MED13L: variants seen among roughly 807,000 people sequenced by gnomAD.
The protein encoded by MED13L is mediator of RNA polymerase II transcription subunit 13-like.
MED13L carries 7 observed loss-of-function variants against 220.9 expected under a neutral mutation model. The ratio of observed to expected loss-of-function variants is 0.03; its 90% CI spans 0.02 to 0.06. The LOEUF (loss-of-function observed/expected upper bound fraction) is 0.06, where lower values mean the gene tolerates loss of function less well. MED13L is among the 10% of genes least tolerant of loss of function. The pLI, the probability that MED13L is intolerant of heterozygous loss-of-function variation, is 1.00. For synonymous variants in MED13L, 1,011 were observed against 1,015.2 expected (o/e 1.00, Z 0.08); for missense variants, 1,965 against 2,760.5 (o/e 0.71, Z 6.46).
chr12:116,153,253 G>A (rs989703348), intron 2 of MED13L, among the ~76,000 whole-genome samples: 1 of 152,218 alleles, frequency 6.6e-6, no homozygotes, highest in Non-Finnish European at 1.5e-5. Flanking sequence ...TTACTGAGGG[G>A]AGGGGAGTGT....
At chr12:116,217,745 G>A (rs1192650876) in intron 2 of MED13L, among the ~76,000 whole-genome samples, 1 of 152,130 alleles carries the variant, frequency 6.6e-6, no homozygotes, top group Non-Finnish European at 1.5e-5. Context: ...GTTCAACAGT[G>A]AATGCCCAAT....
chr12:116,065,061 ATTTT>A (rs972496196), intron 4 of MED13L, among the ~76,000 whole-genome samples: 1 of 152,208 alleles, frequency 6.6e-6, no homozygotes, highest in African/African-American at 2.4e-5. Context: ...AATGGTATAT[ATTTT>A]TTATTTATAT....
intron 4 of MED13L, among the ~76,000 whole-genome samples, chr12:116,045,429 C>G (rs1294339667): frequency 1.3e-5 from 2 of 152,168 alleles, no homozygotes; most frequent in Non-Finnish European, 1.5e-5. Context: ...CTAGCAGAGG[C>G]TGTACTCGGC....
intron 2 of MED13L, among the ~76,000 whole-genome samples, chr12:116,171,664 G>A (rs1204393670): frequency 1.3e-5 from 2 of 152,138 alleles, no homozygotes; most frequent in African/African-American, 4.8e-5. Context: ...CTCTGATGAA[G>A]ATAAAGGCAA....
intron 1 of MED13L, among the ~76,000 whole-genome samples, chr12:116,267,099 A>C (rs1005738459): frequency 3.3e-5 from 5 of 152,224 alleles, no homozygotes; most frequent in African/African-American, 1.2e-4. Context: ...AAGTTCAAAG[A>C]GCACTCCAGA....
At chr12:116,068,978 T>C (rs1337287516) in intron 4 of MED13L, among the ~76,000 whole-genome samples, 2 of 152,110 alleles carry the variant, frequency 1.3e-5, no homozygotes, top group African/African-American at 2.4e-5. Context: ...ACTAACGTCA[T>C]TACCGAGTGC....
chr12:116,241,662 T>G (rs1280652223), intron 1 of MED13L, among the ~76,000 whole-genome samples: 1 of 152,218 alleles, frequency 6.6e-6, no homozygotes, highest in African/African-American at 2.4e-5. Flanking sequence ...ACAAAGTTGT[T>G]CTAGCAAGTG....
intron 2 of MED13L, among the ~76,000 whole-genome samples, chr12:116,184,586 A>C (rs1276376880): frequency 6.6e-6 from 1 of 152,172 alleles, no homozygotes; most frequent in Non-Finnish European, 1.5e-5. Flanking sequence ...GGTAACAATA[A>C]ATCATTTATC....
intron 2 of MED13L, among the ~76,000 whole-genome samples, chr12:116,187,882 T>TAA (rs75880346): frequency 8.3e-5 from 11 of 132,628 alleles, no homozygotes; most frequent in Admixed American, 3.1e-4. Flanking sequence ...TTTTATAAGT[T>TAA]AAAAAAAAAA....
intron 2 of MED13L, among the ~76,000 whole-genome samples, chr12:116,220,256 AATCTGAATTACT>A (rs1883232206): frequency 6.6e-6 from 1 of 152,190 alleles, no homozygotes; most frequent in Non-Finnish European, 1.5e-5. Context: ...ATAAAATAAT[AATCTGAATTACT>A]ATTTAAATTA....
At chr12:116,082,939 A>C (rs1233663401) in intron 4 of MED13L, among the ~76,000 whole-genome samples, 1 of 152,234 alleles carries the variant, frequency 6.6e-6, no homozygotes, top group African/African-American at 2.4e-5. Context: ...AAAGAGGAAT[A>C]ATAAAATGTT....
chr12:116,019,427 A>T lies in MED13L; in HGVS notation c.821-15T>A. The T allele has an allele frequency of 6.2e-7, 1 of 1,613,036 alleles. No individual in the cohort carries two copies. Among genetic ancestry groups the T allele is most frequent in the African/African-American group, 1.3e-5 (1 of 75,016 alleles). On this transcript the variant is annotated splice_polypyrimidine_tract_variant and intron_variant, in intron 6 of 30. Transcript: ENST00000281928. Reference sequence around the variant, plus strand: ...CCGAACACCACCTATAAGCAAAGAGAACAAGGAAAGAATCAGGACTGAGAA... The same window carrying T: ...CCGAACACCACCTATAAGCAAAGAGTACAAGGAAAGAATCAGGACTGAGAA...
chr12:116,042,210 C>T (rs1881574549), intron 4 of MED13L, among the ~76,000 whole-genome samples: 2 of 152,202 alleles, frequency 1.3e-5, no homozygotes, highest in Non-Finnish European at 2.9e-5. Flanking sequence ...AGAAAATAGA[C>T]TTCAACTCAA....
intron 23 of MED13L, among the ~76,000 whole-genome samples, chr12:115,977,674 T>C (rs1392409521): frequency 3.9e-5 from 6 of 152,096 alleles, no homozygotes; most frequent in African/African-American, 1.4e-4. Context: ...CTCAAAATCA[T>C]TATGCTAACT....
At chr12:116,238,208 A>G (rs1253860261) in intron 1 of MED13L, among the ~76,000 whole-genome samples, 4 of 152,226 alleles carry the variant, frequency 2.6e-5, no homozygotes, top group Non-Finnish European at 4.4e-5. Context: ...ATGAATGCCA[A>G]AAGTCTATTT....
At chr12:116,016,116 C>T (rs1011802168) in intron 7 of MED13L, among the ~76,000 whole-genome samples, 3 of 152,100 alleles carry the variant, frequency 2.0e-5, no homozygotes, top group Admixed American at 6.6e-5. Flanking sequence ...GATTGAATCA[C>T]TTTCACCTAT....
chr12:116,029,581 A>G (rs948189760), intron 4 of MED13L, among the ~76,000 whole-genome samples: 2 of 152,210 alleles, frequency 1.3e-5, no homozygotes, highest in Non-Finnish European at 2.9e-5. Flanking sequence ...GATGAATTCT[A>G]ACAAGAAAAA....
chr12:116,130,427 C>T (rs1875969090), intron 2 of MED13L, among the ~76,000 whole-genome samples: 1 of 152,168 alleles, frequency 6.6e-6, no homozygotes, highest in Non-Finnish European at 1.5e-5. Context: ...AAATAAGCAT[C>T]TCTGACAACA....
chr12:116,130,264 G>T (rs1165047553), intron 2 of MED13L, among the ~76,000 whole-genome samples: 1 of 152,060 alleles, frequency 6.6e-6, no homozygotes, highest in Admixed American at 6.6e-5. Flanking sequence ...TTTAGTTCAG[G>T]TTAAGAATGA....
Sources: gnomAD v4.1 joint callset for allele counts (sites outside exome capture counted in the v4.1 genomes callset) on GRCh38, gnomAD v4.1.1 for gene constraint, MANE v1.5 for transcripts, NCBI Gene and HGNC (gene_info 2026-07-23, HGNC 2026-07-21) for gene names.